Variants in VAV1 observed in about 807,000 individuals in gnomAD.
The protein encoded by VAV1 is proto-oncogene vav.
Under a neutral mutation model 128.1 loss-of-function variants are expected in VAV1, and 33 were observed. That is an observed-to-expected ratio of 0.26 (90% confidence interval 0.20 to 0.34). VAV1 has a LOEUF of 0.34. VAV1 is among the 10% of genes least tolerant of loss of function. The probability of loss-of-function intolerance (pLI) is 1.00; values close to 1 mark genes in which losing one functional copy is unlikely to be tolerated. For synonymous variants in VAV1, 394 were observed against 409.8 expected, an observed-to-expected ratio of 0.96 and a Z score of 0.47; for missense variants, 715 against 1,093.7, an observed-to-expected ratio of 0.65 and a Z score of 4.88.
rs1197557007 is a variant in VAV1 at position 6,816,544 on chromosome 19, C to CACATGCAGAT, written c.205-4155_205-4154insTGCAGATACA. The CACATGCAGAT allele has an allele frequency of 3.3e-5, 5 of 152,050 alleles. No individual in the cohort carries two copies. In the East Asian group the frequency reaches 5.9e-4, roughly 18 times the overall value. The allele number at this position is 152,050 out of a possible 1,614,324, so 9.4% of individuals were successfully genotyped here. A position where few individuals can be genotyped will look rare whatever the true frequency, so the allele number is the denominator to read the frequency against. ...ACACATACGCACACACAGACACACACACACACAGAACGTGGGTTCTAGATT... is the reference window on the plus strand; with the variant it reads ...ACACATACGCACACACAGACACACACACATGCAGATACACACAGAACGTGGGTTCTAGATT... On this transcript the variant is annotated intron_variant, in intron 1 of 26. Transcript: ENST00000602142.
rs572594506 is a variant in VAV1, at chr19:6,849,094, T to A, written c.2129+980T>A. 3.1e-3 allele frequency among the ~76,000 whole-genome samples: 474 copies of A among 151,834 alleles called. 2 individuals are homozygous for A. The highest frequency in any genetic ancestry group is 0.011 in the African/African-American group (439 of 41,400). Reference sequence around the variant, plus strand: ...AGCCACTACATCCCACCTATATATTTTTTTTTTCAACTTATTTTAGAATCA... The same window carrying A: ...AGCCACTACATCCCACCTATATATTATTTTTTTCAACTTATTTTAGAATCA... On this transcript the variant is annotated intron_variant, in intron 23 of 26. Transcript: ENST00000602142.
In VAV1 at chr19:6,828,194, T is replaced by A. The variant is rs1183344481; in HGVS notation, c.1023+23T>A. 6.2e-7 allele frequency: 1 copy of A among 1,613,076 alleles called. No individual in the cohort carries two copies. Among genetic ancestry groups the A allele is most frequent in the African/African-American group, 1.3e-5 (1 of 74,984 alleles). On this transcript the variant is annotated intron_variant, in intron 10 of 26. Coordinates refer to ENST00000602142, the MANE Select transcript of VAV1 (RefSeq NM_005428.4). The surrounding 1 kb of genome is among the most constrained non-coding windows in gnomAD (Gnocchi z 4.5). Reference sequence around the variant, plus strand: ...CAGGTGCCAGGCACATCTCTAGGCGTGGGCTCCACGTACCTACTCTCCTGT... The same window carrying A: ...CAGGTGCCAGGCACATCTCTAGGCGAGGGCTCCACGTACCTACTCTCCTGT...
In VAV1 at chr19:6,828,251, GGGGGTTGGGTCTCTAGGACGCTC is replaced by G. The variant is rs1971965427; in HGVS notation, c.1023+85_1023+107del. 2 of 1,564,488 alleles carry G rather than the reference GGGGGTTGGGTCTCTAGGACGCTC, an allele frequency of 1.3e-6. No individual in the cohort carries two copies. The highest frequency in any genetic ancestry group is 1.7e-6 in the Non-Finnish European group (2 of 1,143,382). Reference sequence around the variant, plus strand: ...AAAAGTGGGGACGGGGCTGGCTTCTGGGGGTTGGGTCTCTAGGACGCTCGGGGATGGGTCACTGGGGTCATGTC... The same window carrying G: ...AAAAGTGGGGACGGGGCTGGCTTCTGGGGGATGGGTCACTGGGGTCATGTC... On this transcript the variant is annotated intron_variant, in intron 10 of 26. Coordinates refer to ENST00000602142, the MANE Select transcript of VAV1 (RefSeq NM_005428.4). This position sits in a 1 kb window ranked among gnomAD's most constrained non-coding sequence, Gnocchi z 4.5.
At position 6,780,134 on chromosome 19, in the gene VAV1, A is replaced by C. The variant is rs997204132; in HGVS notation, c.204+7123A>C. ...TTAAAATAATAATAATAATAATAAT[A>C]ATAATAATAATAATAATAATAATAA... On this transcript the variant is annotated intron_variant, in intron 1 of 26. Coordinates refer to ENST00000602142, the MANE Select transcript of VAV1 (RefSeq NM_005428.4). Among the ~76,000 whole-genome samples the C allele has an allele frequency of 2.8e-4, 40 of 144,240 alleles. 1 individual carries two copies. The highest frequency in any genetic ancestry group is 5.0e-4 in the Non-Finnish European group (33 of 65,466). The allele number at this position is 144,240 out of a possible 152,430, so 94.6% of individuals were successfully genotyped here.
intron 1 of VAV1, among the ~76,000 whole-genome samples, chr19:6,803,094 G>A (rs1971309612): frequency 6.6e-6 from 1 of 152,132 alleles, no homozygotes; most frequent in Non-Finnish European, 1.5e-5. Flanking sequence ...AGCCTGGGAC[G>A]GTTCTTTGTT....
chr19:6,806,539 A>G (rs1420869764), intron 1 of VAV1, among the ~76,000 whole-genome samples: 2 of 152,222 alleles, frequency 1.3e-5, no homozygotes, highest in Non-Finnish European at 2.9e-5. Flanking sequence ...CTGGCTTTGT[A>G]AATCTAGGAT....
chr19:6,850,790 C>CA (rs1428022128), intron 24 of VAV1, 33 bp downstream of exon 24: 3 of 1,610,552 alleles, frequency 1.9e-6, no homozygotes, highest in Non-Finnish European at 2.5e-6. Context: ...TCCCAGCTTT[C>CA]CAGAACCTAG....
intron 1 of VAV1, among the ~76,000 whole-genome samples, chr19:6,793,638 T>C (rs1174019531): frequency 6.6e-6 from 1 of 152,162 alleles, no homozygotes; most frequent in Non-Finnish European, 1.5e-5. Context: ...CATCACAGCC[T>C]ATAATTTGTA....
intron 21 of VAV1, among the ~76,000 whole-genome samples, chr19:6,838,314 TC>T (rs1972277348): frequency 4.0e-5 from 6 of 150,890 alleles, no homozygotes; most frequent in Non-Finnish European, 8.8e-5. Flanking sequence ...TATCTATCTA[TC>T]TATCTATCTA....
intron 1 of VAV1, among the ~76,000 whole-genome samples, chr19:6,798,755 C>T (rs536722403): frequency 2.0e-5 from 3 of 152,192 alleles, no homozygotes; most frequent in African/African-American, 7.2e-5. Context: ...AAGCGATCCT[C>T]CTACCCTAGC....
At chr19:6,785,807 G>A (rs988195336) in intron 1 of VAV1, among the ~76,000 whole-genome samples, 5 of 151,410 alleles carry the variant, frequency 3.3e-5, no homozygotes, top group Non-Finnish European at 7.4e-5. Flanking sequence ...TTATAGGGAC[G>A]CACCACCACA....
rs542143263 is a variant in VAV1 at position 6,778,401 on chromosome 19, C to T, written c.204+5390C>T. 3.3e-5 allele frequency among the ~76,000 whole-genome samples: 5 copies of T among 152,192 alleles called. No individual in the cohort carries two copies. The South Asian group carries it at 1.0e-3, about 32-fold the overall frequency. The stretch of plus-strand genomic sequence containing the variant: ...CTGGGGCCAAGATGATGTTAAGTTC[C>T]CCAGCCCCAGTGAATAGTGGGGAGA... On this transcript the variant is annotated intron_variant, in intron 1 of 26. Transcript: ENST00000602142.
intron 22 of VAV1, among the ~76,000 whole-genome samples, chr19:6,843,409 A>G (rs181941218): frequency 1.4e-3 from 206 of 152,192 alleles, no homozygotes; most frequent in Non-Finnish European, 2.4e-3. Flanking sequence ...CGATGATGAC[A>G]ATGATGATGA....
chr19:6,824,988 C>G (rs1971881461), intron 6 of VAV1, 65 bp from the exon 7 acceptor site: 10 of 1,536,780 alleles, frequency 6.5e-6, no homozygotes, highest in Non-Finnish European at 9.0e-6. Context: ...CTTCCCCTGT[C>G]TCTCTGAGAC....
intron 1 of VAV1, among the ~76,000 whole-genome samples, chr19:6,792,441 C>T (rs1333836336): frequency 6.6e-6 from 1 of 151,660 alleles, no homozygotes; most frequent in African/African-American, 2.4e-5. Flanking sequence ...AGCTTAGGGA[C>T]TTGCGTGAAT....
At chr19:6,819,796 C>T (rs929040102) in intron 1 of VAV1, among the ~76,000 whole-genome samples, 1 of 152,200 alleles carries the variant, frequency 6.6e-6, no homozygotes, top group Admixed American at 6.6e-5. Context: ...ATCTGGGGAA[C>T]CTCAGAGAGT....
In VAV1 at chr19:6,821,663, C is replaced by A. The variant is rs777740563; in HGVS notation, c.363C>A (p.Ala121=). 6.2e-7 allele frequency: 1 copy of A among 1,614,172 alleles called. No individual in the cohort carries two copies. The highest frequency in any genetic ancestry group is 8.5e-7 in the Non-Finnish European group (1 of 1,180,026). The change falls in exon 3 of 27, where the codon GCC becomes GCA. Residue 121 remains alanine, a synonymous_variant. Transcript: ENST00000602142. ...TLSALSWTPI[A]QNRGIMPFPT... ...CTGCTCTGTCCTGGACCCCGATCGC[C>A]CAGAACAGGGGGATCATGTGAGTAA...
At chr19:6,845,235 A>AT (rs1386342885) in intron 22 of VAV1, among the ~76,000 whole-genome samples, 2 of 152,188 alleles carry the variant, frequency 1.3e-5, no homozygotes, top group Non-Finnish European at 2.9e-5. Context: ...ACAAAAAAAA[A>AT]TTAGCTGGGC....
rs56806852 is a variant in VAV1 at position 6,776,077 on chromosome 19, TATCCATCCATCC to T, written c.204+3102_204+3113del. ...CCATCTACCCATCCATCCATCCATT[TATCCATCCATCC>T]ATCCATCCATCCATCCATCCATCCA... On this transcript the variant is annotated intron_variant, in intron 1 of 26. Coordinates refer to ENST00000602142, the MANE Select transcript of VAV1 (RefSeq NM_005428.4). Among the ~76,000 whole-genome samples the T allele has an allele frequency of 2.2e-3, 281 of 129,262 alleles. 1 individual carries two copies. Among genetic ancestry groups the T allele is most frequent in the South Asian group, 5.0e-3 (18 of 3,614 alleles). The allele number at this position is 129,262 out of a possible 152,430, so 84.8% of individuals were successfully genotyped here.
Sources: gnomAD v4.1 joint callset for allele counts (sites outside exome capture counted in the v4.1 genomes callset) on GRCh38, gnomAD v4.1.1 for gene constraint, Gnocchi (gnomAD v3.1) non-coding constraint, MANE v1.5 for transcripts, NCBI Gene and HGNC (gene_info 2026-07-23, HGNC 2026-07-21) for gene names.